Variants in SUGT1 observed in about 807,000 individuals in gnomAD.
SUGT1 encodes SGT1 assembly cochaperone of MIS12 kinetochore complex.
SUGT1 carries 15 observed loss-of-function variants against 56.1 expected under a neutral mutation model. The ratio of observed to expected loss-of-function variants is 0.27; its 90% CI spans 0.18 to 0.41. SUGT1 has a LOEUF of 0.41. SUGT1 is among the 10% of genes least tolerant of loss of function. SUGT1 has a pLI of 1.00. For missense variants in SUGT1, 347 were observed against 382.2 expected, an observed-to-expected ratio of 0.91 and a Z score of 0.77; for synonymous variants, 123 against 128.6, an observed-to-expected ratio of 0.96 and a Z score of 0.30.
intron 10 of SUGT1, among the ~76,000 whole-genome samples, chr13:52,674,176 C>T (rs1221029302): frequency 2.7e-5 from 4 of 150,734 alleles, no homozygotes; most frequent in Non-Finnish European, 4.4e-5. Flanking sequence ...CTCAGACTCC[C>T]GAGTAGCTGA....
intron 5 of SUGT1, among the ~76,000 whole-genome samples, chr13:52,660,895 C>T (rs1284964422): frequency 6.6e-6 from 1 of 152,198 alleles, no homozygotes; most frequent in Admixed American, 6.5e-5. Flanking sequence ...CAGCCTCCAC[C>T]TCTTGGGCTC....
intron 9 of SUGT1, 100 bp downstream of exon 9, chr13:52,665,833 C>A: frequency 1.4e-6 from 1 of 733,836 alleles, no homozygotes; most frequent in South Asian, 2.8e-5. Flanking sequence ...AATGCTATTT[C>A]TTCCTGAGAT....
intron 12 of SUGT1, among the ~76,000 whole-genome samples, chr13:52,685,683 A>G: frequency 6.6e-6 from 1 of 152,196 alleles, no homozygotes; most frequent in East Asian, 1.9e-4. Flanking sequence ...GTGCAGCAAC[A>G]TTGATCTGGA....
Position 52,688,105 on chromosome 13 carries a change from T to G in SUGT1, c.*270T>G, listed in dbSNP as rs1480833571. 1 of 203,166 alleles carries G rather than the reference T, an allele frequency of 4.9e-6. No individual in the cohort carries two copies. Among genetic ancestry groups the G allele is most frequent in the Non-Finnish European group, 9.8e-6 (1 of 101,586 alleles). The allele number at this position is 203,166 out of a possible 1,614,324, so 12.6% of individuals were successfully genotyped here. A position where few individuals can be genotyped will look rare whatever the true frequency, so the allele number is the denominator to read the frequency against. On this transcript the variant is annotated 3_prime_UTR_variant, in exon 13 of 13. Transcript: ENST00000310528. ...TCCTAGATAGATTCATTCTATCTAG[T>G]TGTGGGGATGGAGAAATCTTTAATG...
At chr13:52,676,377 T>A in intron 11 of SUGT1, 57 bp downstream of exon 11, 1 of 1,366,824 alleles carries the variant, frequency 7.3e-7, no homozygotes, top group Non-Finnish European at 1.0e-6. Context: ...TAATTGAAAT[T>A]AAATAGTAAT....
At position 52,696,953 on chromosome 13, in the gene SUGT1, A is replaced by G. The variant is rs1357998158; in HGVS notation, c.*9118A>G. The G allele has an allele frequency of 7.5e-6, 1 of 133,782 alleles. No homozygotes were observed. The highest frequency in any genetic ancestry group is 1.6e-5 in the Non-Finnish European group (1 of 61,752). 8.3% of individuals were successfully genotyped at this position (133,782 alleles called of 1,614,324 possible). On this transcript the variant is annotated 3_prime_UTR_variant, in exon 13 of 13. Transcript: ENST00000310528. ...TTTTTTTGCTATTTAATTTTGAGAT[A>G]CCATTTTTTGGAGGGGTGTCCTGAT...
chr13:52,666,557 A>G (rs905674381), intron 9 of SUGT1, among the ~76,000 whole-genome samples: 1 of 152,204 alleles, frequency 6.6e-6, no homozygotes, highest in African/African-American at 2.4e-5. Context: ...GTGATTAAAT[A>G]TATGACAAAT....
intron 10 of SUGT1, among the ~76,000 whole-genome samples, chr13:52,669,616 G>C (rs1409645275): frequency 6.6e-6 from 1 of 152,100 alleles, no homozygotes; most frequent in Non-Finnish European, 1.5e-5. Context: ...GTTTTTCTAA[G>C]TTTTGAATTG....
rs1274927495 is a variant in SUGT1 at position 52,698,808 on chromosome 13, A to G, written c.*10973A>G. On this transcript the variant is annotated 3_prime_UTR_variant, in exon 13 of 13. Coordinates refer to ENST00000310528, the MANE Select transcript of SUGT1 (RefSeq NM_006704.5). Reference sequence around the variant, plus strand: ...TTATAACATTGGGCAGCTATTTTGTATGATATATAGGGTAGTGGTTCTTAA... The same window carrying G: ...TTATAACATTGGGCAGCTATTTTGTGTGATATATAGGGTAGTGGTTCTTAA... 1 of 152,200 alleles carries G rather than the reference A, an allele frequency of 6.6e-6. No individual in the cohort carries two copies. The highest frequency in any genetic ancestry group is 1.5e-5 in the Non-Finnish European group (1 of 68,040). The allele number at this position is 152,200 out of a possible 1,614,324, so 9.4% of individuals were successfully genotyped here.
chr13:52,677,172 A>G (rs1343240994), intron 11 of SUGT1, among the ~76,000 whole-genome samples: 1 of 152,184 alleles, frequency 6.6e-6, no homozygotes, highest in Non-Finnish European at 1.5e-5. Flanking sequence ...GAGTTATTCA[A>G]CAGATCATTT....
At chr13:52,687,227 C>T (rs1963631494) in intron 12 of SUGT1, 1 of 151,926 alleles carries the variant, frequency 6.6e-6, no homozygotes, top group African/African-American at 2.4e-5. Context: ...CATTTATGTA[C>T]CTTGATTTTT....
chr13:52,669,449 G>A (rs749951615), intron 10 of SUGT1, among the ~76,000 whole-genome samples: 5 of 152,202 alleles, frequency 3.3e-5, no homozygotes, highest in Non-Finnish European at 5.9e-5. Context: ...CATTGGCAGA[G>A]AATGTTTATT....
chr13:52,685,699 C>T (rs1355696180), intron 12 of SUGT1, among the ~76,000 whole-genome samples: 1 of 152,098 alleles, frequency 6.6e-6, no homozygotes. Context: ...CTGGAATATA[C>T]GAGGGGCTTC....
chr13:52,678,463 A>G (rs1368293670), intron 11 of SUGT1, among the ~76,000 whole-genome samples: 1 of 152,106 alleles, frequency 6.6e-6, no homozygotes, highest in Admixed American at 6.6e-5. Flanking sequence ...ATTAGTACTA[A>G]TGTGTCCTAA....
intron 3 of SUGT1, 70 bp from the exon 4 acceptor site, chr13:52,658,329 G>A: frequency 6.3e-7 from 1 of 1,590,064 alleles, no homozygotes; most frequent in South Asian, 1.2e-5. Context: ...ATCTAAAACT[G>A]ATTCATATGT....
At chr13:52,663,264 C>A in intron 7 of SUGT1, 152 bp downstream of exon 7, 1 of 685,642 alleles carries the variant, frequency 1.5e-6, no homozygotes, top group Non-Finnish European at 2.2e-6. Flanking sequence ...GAAATAAAAT[C>A]ATTTTTTGAT....
rs1411252292 is a variant in SUGT1, at chr13:52,691,952, A to G, written c.*4117A>G. ...GTGGGGAAAATATTGATTTACCTAC[A>G]AATGTTACTATTTGGAGCCATCCTT... is the stretch of plus-strand genomic sequence containing the variant. On this transcript the variant is annotated 3_prime_UTR_variant, in exon 13 of 13. Coordinates refer to ENST00000310528, the MANE Select transcript of SUGT1 (RefSeq NM_006704.5). 2 of 152,212 alleles carry G rather than the reference A, an allele frequency of 1.3e-5. No individual in the cohort carries two copies. Among genetic ancestry groups the G allele is most frequent in the South Asian group, 2.1e-4 (1 of 4,824 alleles). The allele number at this position is 152,212 out of a possible 1,614,324, so 9.4% of individuals were successfully genotyped here. A position where few individuals can be genotyped will look rare whatever the true frequency, so the allele number is the denominator to read the frequency against.
At chr13:52,681,454 G>C (rs927520037) in intron 12 of SUGT1, among the ~76,000 whole-genome samples, 1 of 150,568 alleles carries the variant, frequency 6.6e-6, no homozygotes, top group Non-Finnish European at 1.5e-5. Context: ...TTTTAGTTTT[G>C]AGATAATTGT....
intron 9 of SUGT1, 112 bp from the exon 10 acceptor site, chr13:52,666,700 A>T: frequency 1.4e-6 from 1 of 732,002 alleles, no homozygotes; most frequent in Non-Finnish European, 2.3e-6. Context: ...TTCCATATAT[A>T]ATGTTTAAAA....
Sources: allele counts gnomAD v4.1 joint callset (sites outside exome capture counted in the v4.1 genomes callset), GRCh38; gene constraint gnomAD v4.1.1; transcripts MANE v1.5; gene names NCBI Gene and HGNC (gene_info 2026-07-23, HGNC 2026-07-21).